Variants in LY6S observed in about 807,000 individuals in gnomAD.
LY6S encodes the protein lymphocyte antigen 6S.
At chr8:143,050,779 G>A in the LY6S span, among the ~76,000 whole-genome samples, 3 of 152,208 alleles carry the variant, frequency 2.0e-5, no homozygotes, top group East Asian at 1.9e-4. Flanking sequence ...AATGGCTCAC[G>A]GATGGAAGTA....
chr8:143,076,041 A>T, the LY6S span, among the ~76,000 whole-genome samples: 1 of 152,200 alleles, frequency 6.6e-6, no homozygotes, highest in African/African-American at 2.4e-5. Flanking sequence ...AATGAAAATG[A>T]TAACAATCTG....
chr8:143,049,110 TG>T, the LY6S span: 2 of 528,060 alleles, frequency 3.8e-6, no homozygotes, highest in African/African-American at 1.9e-5. Flanking sequence ...CCTGATTTCA[TG>T]GGGGTTCAAG....
chr8:143,069,082 A>G, the LY6S span, among the ~76,000 whole-genome samples: 5 of 152,134 alleles, frequency 3.3e-5, no homozygotes, highest in Non-Finnish European at 5.9e-5. Context: ...CAAGGAAGCG[A>G]GCTGGCCCCG....
At chr8:143,044,312 G>A in the LY6S span, 1 of 444,556 alleles carries the variant, frequency 2.2e-6, no homozygotes, top group African/African-American at 2.0e-5. Flanking sequence ...AGCTGGCGTT[G>A]GGAGGCTACT....
chr8:143,065,762 CTTTCTTTTCTCTTTCTTTCTT>C, the LY6S span, among the ~76,000 whole-genome samples: 1 of 148,950 alleles, frequency 6.7e-6, no homozygotes, highest in East Asian at 2.0e-4. Context: ...TTCTTTCTTT[CTTTCTTTTCTCTTTCTTTCTT>C]TTTCTTTCTT....
chr8:143,048,057 C>T, the LY6S span: 75,860 of 152,114 alleles, frequency 0.5, 22,275 homozygotes, highest in Non-Finnish European at 0.63. Context: ...TCACAGCAGC[C>T]GCCAACGTTT....
the LY6S span, among the ~76,000 whole-genome samples, chr8:143,069,400 C>G: frequency 8.2e-3 from 1,243 of 152,318 alleles, 15 homozygotes; most frequent in African/African-American, 0.028. Context: ...ACCGTAAATA[C>G]TCTCTCAAAG....
At chr8:143,073,755 G>A in the LY6S span, among the ~76,000 whole-genome samples, 9 of 149,518 alleles carry the variant, frequency 6.0e-5, 1 homozygote, top group Non-Finnish European at 7.4e-5. Context: ...TCCTGTTTGA[G>A]GAGACAGCCA....
chr8:143,043,580 G>A, the LY6S span, among the ~76,000 whole-genome samples: 2 of 152,222 alleles, frequency 1.3e-5, no homozygotes, highest in Non-Finnish European at 2.9e-5. Context: ...CCCTGCCCCG[G>A]CCTTGGGACC....
the LY6S span, among the ~76,000 whole-genome samples, chr8:143,076,347 G>T: frequency 6.6e-6 from 1 of 152,170 alleles, no homozygotes; most frequent in Non-Finnish European, 1.5e-5. Flanking sequence ...TGCCACTGTT[G>T]TTCCTCCTGG....
chr8:143,067,610 G>A, the LY6S span, among the ~76,000 whole-genome samples: 37 of 152,332 alleles, frequency 2.4e-4, no homozygotes, highest in Admixed American at 1.8e-3. Flanking sequence ...GACCCGCGTC[G>A]GCGCTGGTCT....
chr8:143,064,488 T>C, the LY6S span, among the ~76,000 whole-genome samples: 2 of 152,210 alleles, frequency 1.3e-5, no homozygotes, highest in African/African-American at 2.4e-5. Flanking sequence ...CATCCACATA[T>C]TGTAAATATA....
chr8:143,048,470 C>CTTTT, the LY6S span, among the ~76,000 whole-genome samples: 1 of 124,520 alleles, frequency 8.0e-6, no homozygotes, highest in African/African-American at 3.1e-5. Flanking sequence ...ACAAAATTTT[C>CTTTT]TTTTTTTTTT....
At chr8:143,055,761 C>T in the LY6S span, among the ~76,000 whole-genome samples, 1 of 152,162 alleles carries the variant, frequency 6.6e-6, no homozygotes, top group Non-Finnish European at 1.5e-5. Context: ...GGCTTTTCCT[C>T]CACTTCTCCC....
the LY6S span, among the ~76,000 whole-genome samples, chr8:143,058,443 G>A: frequency 1.3e-5 from 2 of 151,796 alleles, no homozygotes; most frequent in Non-Finnish European, 2.9e-5. Context: ...GAGAGAGAGA[G>A]GAGACAGAGA....
the LY6S span, among the ~76,000 whole-genome samples, chr8:143,070,643 C>T: frequency 6.6e-6 from 1 of 150,492 alleles, no homozygotes; most frequent in Non-Finnish European, 1.5e-5. Context: ...CATGTCACCA[C>T]ACCCAGCTAA....
chr8:143,075,069 T>G, the LY6S span, among the ~76,000 whole-genome samples: 1 of 152,274 alleles, frequency 6.6e-6, no homozygotes, highest in East Asian at 1.9e-4. The surrounding 1 kb of genome is among the most constrained non-coding windows in gnomAD (Gnocchi z 4.1). Flanking sequence ...CTTTTTGCAT[T>G]ACAAAATCTG....
chr8:143,052,848 C>T, the LY6S span, among the ~76,000 whole-genome samples: 1 of 152,142 alleles, frequency 6.6e-6, no homozygotes, highest in African/African-American at 2.4e-5. Flanking sequence ...ACAAACGGTC[C>T]CCAAAGCGAA....
At chr8:143,042,974 G>C in the LY6S span, 5 of 1,361,498 alleles carry the variant, frequency 3.7e-6, no homozygotes, top group African/African-American at 4.4e-5. Flanking sequence ...CCCGACCTCT[G>C]CCCTGGCCAC....
Sources: gnomAD v4.1 joint callset for allele counts (sites outside exome capture counted in the v4.1 genomes callset) on GRCh38, gnomAD v4.1.1 for gene constraint, Gnocchi (gnomAD v3.1) non-coding constraint, MANE v1.5 for transcripts, NCBI Gene and HGNC (gene_info 2026-07-23, HGNC 2026-07-21) for gene names.